The following BAZ1A variants were observed in gnomAD, a reference collection of about 807,000 sequenced individuals.
The protein encoded by BAZ1A is bromodomain adjacent to zinc finger domain protein 1A.
Under a neutral mutation model 185.2 loss-of-function variants are expected in BAZ1A, and 50 were observed. The ratio of observed to expected loss-of-function variants is 0.27; its 90% CI spans 0.22 to 0.34. BAZ1A has a LOEUF of 0.34. Among genes scored for constraint, BAZ1A ranks in the 10% least tolerant of loss-of-function variants. BAZ1A has a pLI of 1.00. For synonymous variants in BAZ1A, 571 were observed against 615.6 expected (o/e 0.93, Z 1.07); for missense variants, 1,356 against 1,839.9 (o/e 0.74, Z 4.81).
In BAZ1A at chr14:34,764,968, A is replaced by G. The variant is rs774324301; in HGVS notation, c.3550-35T>C. On this transcript the variant is annotated intron_variant, in intron 22 of 26. Coordinates refer to ENST00000360310, the MANE Select transcript of BAZ1A (RefSeq NM_013448.3). ...TCACATAAATGATCATTAATCATCT[A>G]TTGCTCAAAATCTTAATGTCTCATT... The G allele has an allele frequency of 1.1e-5, 17 of 1,613,484 alleles. 1 individual carries two copies. The highest frequency in any genetic ancestry group is 6.7e-5 in the East Asian group (3 of 44,878).
intron 3 of BAZ1A, among the ~76,000 whole-genome samples, chr14:34,838,543 A>T (rs1356890812): frequency 6.7e-6 from 1 of 149,730 alleles, no homozygotes; most frequent in East Asian, 1.9e-4. Context: ...TTTTTTGGAG[A>T]CAGAGTCTCC....
At chr14:34,838,794 G>C (rs2042367970) in intron 3 of BAZ1A, among the ~76,000 whole-genome samples, 1 of 151,964 alleles carries the variant, frequency 6.6e-6, no homozygotes, top group Non-Finnish European at 1.5e-5. Context: ...CAAAGTGCTG[G>C]GATTACAGGC....
intron 2 of BAZ1A, among the ~76,000 whole-genome samples, chr14:34,868,898 A>G (rs72642573): frequency 0.091 from 8,794 of 96,560 alleles, 714 homozygotes; most frequent in Non-Finnish European, 0.15. Context: ...GTAAGTATGT[A>G]TGTGTGTGTG....
intron 5 of BAZ1A, among the ~76,000 whole-genome samples, chr14:34,808,717 G>A (rs2138672374): frequency 6.6e-6 from 1 of 152,156 alleles, no homozygotes; most frequent in African/African-American, 2.4e-5. Context: ...AAAACATACT[G>A]TTTTTTATTC....
chr14:34,829,245 AAC>A (rs1361339975), intron 3 of BAZ1A, among the ~76,000 whole-genome samples: 1 of 141,112 alleles, frequency 7.1e-6, no homozygotes, highest in East Asian at 2.1e-4. Flanking sequence ...CAGCCTGGGC[AAC>A]AGAGTGAGAC....
At chr14:34,799,442 A>G (rs1376831583) in intron 9 of BAZ1A, among the ~76,000 whole-genome samples, 1 of 152,186 alleles carries the variant, frequency 6.6e-6, no homozygotes, top group Non-Finnish European at 1.5e-5. Flanking sequence ...AGCATGTAAT[A>G]TGATCCTCTA....
intron 14 of BAZ1A, among the ~76,000 whole-genome samples, chr14:34,785,142 C>T (rs1369768465): frequency 6.6e-6 from 1 of 152,196 alleles, no homozygotes; most frequent in Non-Finnish European, 1.5e-5. Flanking sequence ...AGGCATGAGC[C>T]ACTGTTCCCA....
intron 23 of BAZ1A, among the ~76,000 whole-genome samples, chr14:34,763,222 T>G (rs1176268396): frequency 6.6e-6 from 1 of 152,212 alleles, no homozygotes; most frequent in Non-Finnish European, 1.5e-5. Context: ...TTATCATCTT[T>G]ATGCCTAACA....
intron 16 of BAZ1A, 114 bp downstream of exon 16, chr14:34,783,005 T>A: frequency 1.2e-6 from 1 of 801,430 alleles, no homozygotes; most frequent in Non-Finnish European, 2.1e-6. Context: ...ATCATGTACC[T>A]ATAATAAAAA....
intron 3 of BAZ1A, among the ~76,000 whole-genome samples, chr14:34,833,465 T>C (rs761902216): frequency 5.9e-5 from 9 of 151,886 alleles, no homozygotes; most frequent in Admixed American, 5.2e-4. Context: ...GAGGCGGAGG[T>C]TGCAGTGAGC....
chr14:34,764,523 C>T (rs1878689393), intron 23 of BAZ1A, among the ~76,000 whole-genome samples, 184 bp downstream of exon 23: 1 of 151,960 alleles, frequency 6.6e-6, no homozygotes, highest in African/African-American at 2.4e-5. Context: ...AACTCCTGAC[C>T]TCAGGTGATC....
chr14:34,835,362 A>AG, intron 3 of BAZ1A, among the ~76,000 whole-genome samples: 1 of 151,952 alleles, frequency 6.6e-6, no homozygotes, highest in Admixed American at 6.6e-5. Flanking sequence ...CACCCTGCCC[A>AG]GGGATTTAAG....
rs71435818 is a variant in BAZ1A, at chr14:34,851,332, C to CAAAAAA, written c.392+10706_392+10711dup. On this transcript the variant is annotated intron_variant, in intron 3 of 26. Transcript: ENST00000360310. ...TGGGCAACAGAGTGGGACCCTAGCTCAAAAAAAAAAAAAAAAAAAAAAAAA... is the reference window on the plus strand; with the variant it reads ...TGGGCAACAGAGTGGGACCCTAGCTCAAAAAAAAAAAAAAAAAAAAAAAAAAAAAAA... Among the ~76,000 whole-genome samples the CAAAAAA allele has an allele frequency of 6.9e-5, 3 of 43,406 alleles. 1 individual carries two copies. Among genetic ancestry groups the CAAAAAA allele is most frequent in the Non-Finnish European group, 1.2e-4 (3 of 25,814 alleles). The allele number at this position is 43,406 out of a possible 152,430, so 28.5% of individuals were successfully genotyped here.
intron 2 of BAZ1A, among the ~76,000 whole-genome samples, chr14:34,868,407 G>A (rs373466173): frequency 6.6e-6 from 1 of 152,134 alleles, no homozygotes; most frequent in East Asian, 1.9e-4. Context: ...ACACTCTGGC[G>A]AACAAACTGA....
intron 10 of BAZ1A, 42 bp downstream of exon 10, chr14:34,795,628 G>T: frequency 7.2e-7 from 1 of 1,380,710 alleles, no homozygotes; most frequent in Non-Finnish European, 9.9e-7. Context: ...CATAGGACAT[G>T]TAAAACCTAT....
At chr14:34,866,771 A>ATCTTATAC (rs1445776193) in intron 2 of BAZ1A, among the ~76,000 whole-genome samples, 3 of 152,052 alleles carry the variant, frequency 2.0e-5, no homozygotes, top group Non-Finnish European at 4.4e-5. Flanking sequence ...AAATCTAAAC[A>ATCTTATAC]TCTTATACTT....
At position 34,771,757 on chromosome 14, in the gene BAZ1A, A is replaced by G. The variant is rs528655227; in HGVS notation, c.3153-98T>C. The G allele has an allele frequency of 6.4e-4, 729 of 1,131,562 alleles. 11 individuals carry two copies. The South Asian group carries it at 0.012, about 19-fold the overall frequency. 70.1% of individuals were successfully genotyped at this position (1,131,562 alleles called of 1,614,324 possible). A position where few individuals can be genotyped will look rare whatever the true frequency, so the allele number is the denominator to read the frequency against. On this transcript the variant is annotated intron_variant, in intron 20 of 26. Coordinates refer to ENST00000360310, the MANE Select transcript of BAZ1A (RefSeq NM_013448.3). ...TTCAAATGCTTATTTATACCTTTGTAAAAAATCATTTCCTCAATCTCAAGG... is the reference window on the plus strand; with the variant it reads ...TTCAAATGCTTATTTATACCTTTGTGAAAAATCATTTCCTCAATCTCAAGG...
intron 6 of BAZ1A, among the ~76,000 whole-genome samples, chr14:34,804,399 C>A (rs866523803): frequency 1.3e-5 from 2 of 152,174 alleles, no homozygotes; most frequent in African/African-American, 4.8e-5. Flanking sequence ...AACAAGTGAA[C>A]AAAAGCAAGT....
chr14:34,780,367 A>G, intron 16 of BAZ1A, 57 bp from the exon 17 acceptor site: 1 of 1,527,794 alleles, frequency 6.5e-7, no homozygotes, highest in Non-Finnish European at 8.9e-7. Context: ...CCATTTATGA[A>G]ATATTTATTG....
Sources: gnomAD v4.1 joint callset for allele counts (sites outside exome capture counted in the v4.1 genomes callset) on GRCh38, gnomAD v4.1.1 for gene constraint, MANE v1.5 for transcripts, NCBI Gene and HGNC (gene_info 2026-07-23, HGNC 2026-07-21) for gene names.